Variants in IQSEC3 observed in about 807,000 individuals in gnomAD.
IQSEC3 encodes the protein IQ motif and SEC7 domain-containing protein 3.
In IQSEC3, 50 loss-of-function variants were observed where a neutral mutation model predicts 105.4. The ratio of observed to expected loss-of-function variants is 0.47; its 90% CI spans 0.38 to 0.60. The LOEUF is 0.60. IQSEC3 is among the 20% of genes least tolerant of loss of function. The pLI is 0.00. For missense variants in IQSEC3, 1,415 were observed against 1,630.0 expected (o/e 0.87, Z 2.27); for synonymous variants, 708 against 746.0 (o/e 0.95, Z 0.83).
chr12:130,684 G>GCC, intron 3 of IQSEC3, among the ~76,000 whole-genome samples: 1 of 152,274 alleles, frequency 6.6e-6, no homozygotes, highest in Middle Eastern at 3.4e-3. Context: ...AGGCCTCAAC[G>GCC]CCCTGCGTGT....
At chr12:91,060 C>T (rs1387678138) in intron 1 of IQSEC3, among the ~76,000 whole-genome samples, 1 of 152,106 alleles carries the variant, frequency 6.6e-6, no homozygotes, top group Non-Finnish European at 1.5e-5. Flanking sequence ...GAGAGGTTCC[C>T]TGGCTGTTTC....
chr12:144,049 A>C (rs1866155791), intron 5 of IQSEC3: 1 of 152,448 alleles, frequency 6.6e-6, no homozygotes, highest in Non-Finnish European at 1.5e-5. Context: ...GCAATCCCTC[A>C]TGCTTGATTG....
rs1866737363 is a variant in IQSEC3, at chr12:157,576, C to T, written c.2325C>T (p.Asn775=). The T allele has an allele frequency of 6.2e-7, 1 of 1,614,222 alleles. No individual in the cohort carries two copies. Among genetic ancestry groups the T allele is most frequent in the Non-Finnish European group, 8.5e-7 (1 of 1,180,030 alleles). Residue 775 remains asparagine, a synonymous_variant, in exon 7 of 14, where the codon AAC becomes AAT. Transcript: ENST00000538872. The part of the protein sequence containing the change: ...CNPEVVQQFH[N]PDTIFILAFA... ...CCGAAGTGGTTCAGCAGTTCCACAA[C>T]CCCGACACCATCTTCATCCTCGCCT...
In IQSEC3 at chr12:135,418, G is replaced by A. The variant is rs1375611664; in HGVS notation, c.904-2849G>A. 5.3e-5 allele frequency among the ~76,000 whole-genome samples: 8 copies of A among 152,226 alleles called. 1 individual carries two copies. The highest frequency in any genetic ancestry group is 1.2e-4 in the Non-Finnish European group (8 of 68,048). On this transcript the variant is annotated intron_variant, in intron 3 of 13. Coordinates refer to ENST00000538872, the MANE Select transcript of IQSEC3 (RefSeq NM_001170738.2). ...GTATCTGTGTCTCTTATGGGTGCAT[G>A]AGGTCATACCTAGTAAAGATCAAGT...
chr12:104,873 C>T (rs896619736), intron 2 of IQSEC3, among the ~76,000 whole-genome samples: 3 of 152,254 alleles, frequency 2.0e-5, no homozygotes, highest in African/African-American at 4.8e-5. Flanking sequence ...ATGGACCAGC[C>T]AGTGTTTACC....
In IQSEC3 at chr12:157,153, G is replaced by T; in HGVS notation, c.2276+6G>T. Reference sequence around the variant, plus strand: ...CGGCTCATTGAGGCCTTCAGGTAAGGCCGCTTCCCAGCTCCACTCCCCAAC... The same window carrying T: ...CGGCTCATTGAGGCCTTCAGGTAAGTCCGCTTCCCAGCTCCACTCCCCAAC... On this transcript the variant is annotated splice_donor_region_variant and intron_variant, in intron 6 of 13. Transcript: ENST00000538872. 1 of 1,560,830 alleles carries T rather than the reference G, an allele frequency of 6.4e-7. No homozygotes were observed. The highest frequency in any genetic ancestry group is 1.9e-5 in the Admixed American group (1 of 52,606).
chr12:139,716 A>G, intron 4 of IQSEC3: 1 of 191,004 alleles, frequency 5.2e-6, no homozygotes, highest in Non-Finnish European at 1.1e-5. Flanking sequence ...ATTACGCAGC[A>G]ATCATTCGGG....
At chr12:86,757 C>T (rs1863930107) in intron 1 of IQSEC3, among the ~76,000 whole-genome samples, 1 of 152,100 alleles carries the variant, frequency 6.6e-6, no homozygotes, top group Admixed American at 6.5e-5. Flanking sequence ...TTGACCTTCA[C>T]AACAACCTGA....
In IQSEC3 at chr12:174,648, G is replaced by A. The variant is rs1420180715; in HGVS notation, c.3164G>A (p.Gly1055Glu). 1.3e-6 allele frequency: 2 copies of A among 1,582,796 alleles called. No individual in the cohort carries two copies. The highest frequency in any genetic ancestry group is 8.5e-7 in the Non-Finnish European group (1 of 1,171,626). ...LQTSQHNSGLGAERGAPVPPP... is the reference protein window; with the variant it reads ...LQTSQHNSGLEAERGAPVPPP... ...ACGTCCCAGCACAACTCCGGGCTGG[G>A]GGCCGAGAGGGGAGCGCCGGTGCCG... Residue 1055 changes from glycine (G) to glutamate (E), a missense_variant, in exon 14 of 14, where the codon GGG becomes GAG. Gly to Glu is a moderately conservative substitution (Grantham distance 98). Coordinates refer to ENST00000538872, the MANE Select transcript of IQSEC3 (RefSeq NM_001170738.2).
At chr12:163,824 A>G (rs2270795) in intron 9 of IQSEC3, among the ~76,000 whole-genome samples, 118,118 of 152,072 alleles carry the variant, frequency 0.78, 47,841 homozygotes, top group East Asian at 0.97. Flanking sequence ...TTCCTACCTC[A>G]TAAGTCATGA....
In IQSEC3 at chr12:155,823, G is replaced by A. The variant is rs181299290; in HGVS notation, c.2154-1202G>A. Among the ~76,000 whole-genome samples the A allele has an allele frequency of 2.7e-3, 415 of 152,308 alleles. 3 individuals carry two copies. The highest frequency in any genetic ancestry group is 4.5e-3 in the Admixed American group (69 of 15,302). ...CTTGCCGGCAGTGGGCAGTGTCAGGGGCAGTGCAGGGGCTGTGCCATAGCC... is the reference window on the plus strand; with the variant it reads ...CTTGCCGGCAGTGGGCAGTGTCAGGAGCAGTGCAGGGGCTGTGCCATAGCC... On this transcript the variant is annotated intron_variant, in intron 5 of 13. Transcript: ENST00000538872.
rs116321442 is a variant in IQSEC3, at chr12:168,206, T to G, written c.2972-807T>G. On this transcript the variant is annotated intron_variant, in intron 11 of 13. Coordinates refer to ENST00000538872, the MANE Select transcript of IQSEC3 (RefSeq NM_001170738.2). Reference sequence around the variant, plus strand: ...AATCTCCAAGGATGGCAGCCGGCAGTTCTGTAGCTCCACTGAGAGAAGAAC... The same window carrying G: ...AATCTCCAAGGATGGCAGCCGGCAGGTCTGTAGCTCCACTGAGAGAAGAAC... 4.2e-3 allele frequency among the ~76,000 whole-genome samples: 639 copies of G among 152,282 alleles called. 4 individuals are homozygous for G. The highest frequency in any genetic ancestry group is 0.014 in the African/African-American group (586 of 41,540).
At chr12:168,879 G>A (rs1555099319) in intron 11 of IQSEC3, 134 bp from the exon 12 acceptor site, 1 of 756,890 alleles carries the variant, frequency 1.3e-6, no homozygotes. Context: ...CCAGACCCGA[G>A]GTCCGTGTTT....
chr12:118,301 C>A (rs1449428374), intron 2 of IQSEC3, among the ~76,000 whole-genome samples: 1 of 152,134 alleles, frequency 6.6e-6, no homozygotes, highest in African/African-American at 2.4e-5. Flanking sequence ...CCCCCTCATG[C>A]CATCTGGGAC....
chr12:92,561 C>A (rs567356950), intron 1 of IQSEC3, among the ~76,000 whole-genome samples: 1 of 152,316 alleles, frequency 6.6e-6, no homozygotes, highest in South Asian at 2.1e-4. Context: ...TGATTGCACT[C>A]GGGCCTACGG....
intron 1 of IQSEC3, among the ~76,000 whole-genome samples, chr12:92,108 A>G (rs1326439434): frequency 6.6e-6 from 1 of 152,190 alleles, no homozygotes; most frequent in African/African-American, 2.4e-5. Context: ...CCAACAGTCC[A>G]GCTGCCCCAT....
chr12:171,315 C>T lies in IQSEC3; in HGVS notation c.3114+154C>T, dbSNP rs782544854. ...TTTCAAGAGATACAATTAAAAGTTA[C>T]TGCTAGCATGGGTAATGCCACTGTT... On this transcript the variant is annotated intron_variant, in intron 13 of 13. Coordinates refer to ENST00000538872, the MANE Select transcript of IQSEC3 (RefSeq NM_001170738.2). 7 of 1,613,870 alleles carry T rather than the reference C, an allele frequency of 4.3e-6. No homozygotes were observed. The South Asian group carries it at 7.7e-5, about 18-fold the overall frequency.
intron 3 of IQSEC3, among the ~76,000 whole-genome samples, chr12:133,373 G>A (rs1865659600): frequency 6.6e-6 from 1 of 152,234 alleles, no homozygotes; most frequent in Non-Finnish European, 1.5e-5. Context: ...AGGATTAAGG[G>A]GTTGTAGGGA....
At chr12:160,807 G>A (rs1003590421) in intron 7 of IQSEC3, among the ~76,000 whole-genome samples, 1 of 152,276 alleles carries the variant, frequency 6.6e-6, no homozygotes, top group Admixed American at 6.5e-5. Flanking sequence ...AGCTTTCTCA[G>A]GTTTGCTAAA....
Sources: allele counts gnomAD v4.1 joint callset (sites outside exome capture counted in the v4.1 genomes callset), GRCh38; gene constraint gnomAD v4.1.1; transcripts MANE v1.5; gene names NCBI Gene and HGNC (gene_info 2026-07-23, HGNC 2026-07-21).